DRC7: variants seen among roughly 807,000 people sequenced by gnomAD.
DRC7 encodes coiled-coil domain containing 135.
DRC7 carries 80 observed loss-of-function variants against 104.4 expected under a neutral mutation model. The observed-to-expected ratio is 0.77, with a 90% CI of 0.64 to 0.92. The LOEUF is 0.92. Ranked by LOEUF, DRC7 falls within the 40% of genes least tolerant of loss-of-function variation. The pLI is 0.00. For missense variants in DRC7, 1,034 were observed against 1,141.1 expected, an observed-to-expected ratio of 0.91 and a Z score of 1.35; for synonymous variants, 405 against 447.3, an observed-to-expected ratio of 0.91 and a Z score of 1.19.
At position 57,718,483 on chromosome 16, in the gene DRC7, T is replaced by A; in HGVS notation, c.1206+8T>A. 6 of 1,613,646 alleles carry A rather than the reference T, an allele frequency of 3.7e-6. No individual in the cohort carries two copies. The highest frequency in any genetic ancestry group is 4.2e-6 in the Non-Finnish European group (5 of 1,179,684). On this transcript the variant is annotated splice_region_variant and intron_variant, in intron 9 of 18. Coordinates refer to ENST00000360716, the MANE Select transcript of DRC7 (RefSeq NM_001289162.2). The stretch of plus-strand genomic sequence containing the variant: ...GATGATGTGGAAAATCTGGTGAGTC[T>A]CAGCAGCTCGAGAGCCCAGGGAATG...
intron 8 of DRC7, among the ~76,000 whole-genome samples, chr16:57,710,877 G>T (rs190233083): frequency 3.9e-5 from 6 of 152,204 alleles, no homozygotes; most frequent in African/African-American, 1.2e-4. Flanking sequence ...TATATTATTG[G>T]TGTTGAACTG....
chr16:57,707,130 A>G (rs974076813), intron 7 of DRC7, among the ~76,000 whole-genome samples: 5 of 152,218 alleles, frequency 3.3e-5, no homozygotes, highest in Non-Finnish European at 7.3e-5. Flanking sequence ...GCAGATAAGA[A>G]AGGTACTTGG....
chr16:57,695,105 A>G (rs1433574004), intron 1 of DRC7, among the ~76,000 whole-genome samples: 1 of 152,100 alleles, frequency 6.6e-6, no homozygotes, highest in Non-Finnish European at 1.5e-5. Context: ...ACACTGGGCT[A>G]TAGCTGAAGA....
chr16:57,727,451 C>G (rs1223191604), intron 16 of DRC7, 42 bp downstream of exon 16: 1 of 1,445,220 alleles, frequency 6.9e-7, no homozygotes, highest in Non-Finnish European at 9.7e-7. Context: ...TTTTCCTAGA[C>G]CCCCCTGGTC....
chr16:57,727,695 A>G (rs1163910488), intron 16 of DRC7, among the ~76,000 whole-genome samples: 1 of 152,214 alleles, frequency 6.6e-6, no homozygotes, highest in African/African-American at 2.4e-5. Flanking sequence ...CAGGGCTCCC[A>G]CTGAGGTTGC....
chr16:57,717,284 GAGTAC>G (rs570778145), intron 8 of DRC7, among the ~76,000 whole-genome samples: 75 of 145,982 alleles, frequency 5.1e-4, no homozygotes, highest in African/African-American at 1.6e-3. Flanking sequence ...TCCCAGGCTG[GAGTAC>G]AGTGGTGTGT....
At chr16:57,721,111 G>T (rs1269912251) in intron 9 of DRC7, among the ~76,000 whole-genome samples, 1 of 152,118 alleles carries the variant, frequency 6.6e-6, no homozygotes, top group African/African-American at 2.4e-5. Flanking sequence ...AGCTACTCAG[G>T]AGGCTGAGGC....
At chr16:57,723,808 C>A (rs1168838342) in intron 12 of DRC7, among the ~76,000 whole-genome samples, 1 of 136,034 alleles carries the variant, frequency 7.4e-6, no homozygotes, top group Non-Finnish European at 1.5e-5. Flanking sequence ...AAATGATCAA[C>A]CTCATTTGGA....
At position 57,700,261 on chromosome 16, in the gene DRC7, T is replaced by C. The variant is rs116083646; in HGVS notation, c.495T>C (p.Pro165=). ...DFLTMVPLPD[P]LKPPSHLYSS... Reference sequence around the variant, plus strand: ...TCACCATGGTGCCCCTGCCTGACCCTCTCAAGCCGGTAAGCACCACTCACA... The same window carrying C: ...TCACCATGGTGCCCCTGCCTGACCCCCTCAAGCCGGTAAGCACCACTCACA... The change falls in exon 5 of 19, where the codon CCT becomes CCC. Residue 165 remains proline (P), a synonymous_variant. Coordinates refer to ENST00000360716, the MANE Select transcript of DRC7 (RefSeq NM_001289162.2). 3,716 of 1,612,856 alleles carry C rather than the reference T, an allele frequency of 2.3e-3. 97 individuals carry two copies. The South Asian group carries it at 0.029, about 13-fold the overall frequency.
chr16:57,703,743 G>A (rs186096977), intron 6 of DRC7, among the ~76,000 whole-genome samples: 1 of 152,246 alleles, frequency 6.6e-6, no homozygotes, highest in East Asian at 1.9e-4. Context: ...GAGGCAAGTG[G>A]ACCACTTGAG....
At chr16:57,721,326 G>A (rs1484751685) in intron 9 of DRC7, among the ~76,000 whole-genome samples, 1 of 152,220 alleles carries the variant, frequency 6.6e-6, no homozygotes, top group African/African-American at 2.4e-5. Context: ...CTAAGGCTTA[G>A]AGCAGTTAAA....
chr16:57,721,331 G>A (rs1348514973), intron 9 of DRC7, among the ~76,000 whole-genome samples: 1 of 152,230 alleles, frequency 6.6e-6, no homozygotes, highest in Non-Finnish European at 1.5e-5. Context: ...GCTTAGAGCA[G>A]TTAAAGGACT....
chr16:57,714,026 C>T (rs1567879802), intron 8 of DRC7: 1 of 211,814 alleles, frequency 4.7e-6, no homozygotes, highest in South Asian at 7.5e-5. Context: ...TTGCAGTAGT[C>T]AGGACCTGGA....
chr16:57,731,497 C>T lies in DRC7; in HGVS notation c.*239C>T, dbSNP rs763758117. On this transcript the variant is annotated 3_prime_UTR_variant, in exon 19 of 19. Transcript: ENST00000360716. ...CACAAGCTCCAGCAGCAGCCTTTCTCTTCTTCTGTTATCTATAGCCTGGGA... is the reference window on the plus strand; with the variant it reads ...CACAAGCTCCAGCAGCAGCCTTTCTTTTCTTCTGTTATCTATAGCCTGGGA... The T allele has an allele frequency of 7.1e-6, 4 of 562,326 alleles. No homozygotes were observed. The African/African-American group carries it at 7.5e-5, about 11-fold the overall frequency. 34.8% of individuals were successfully genotyped at this position (562,326 alleles called of 1,614,324 possible). A position where few individuals can be genotyped will look rare whatever the true frequency, so the allele number is the denominator to read the frequency against.
At chr16:57,727,855 C>T (rs1567889359) in intron 16 of DRC7, among the ~76,000 whole-genome samples, 1 of 152,208 alleles carries the variant, frequency 6.6e-6, no homozygotes, top group African/African-American at 2.4e-5. Flanking sequence ...TTTCACCAAC[C>T]AAGTTGAGAT....
chr16:57,707,531 G>A lies in DRC7; in HGVS notation c.930G>A (p.Gly310=). Residue 310 remains glycine, a synonymous_variant, in exon 8 of 19, where the codon GGG becomes GGA. Coordinates refer to ENST00000360716, the MANE Select transcript of DRC7 (RefSeq NM_001289162.2). ...ACTCCTGGGTCCTTGTGCTATCGGG[G>A]AAGCGCGAGGTGCCTGAGAACTTCT... is the stretch of plus-strand genomic sequence containing the variant. ...RVHSWVLVLS[G]KREVPENFFI... 2 of 1,613,492 alleles carry A rather than the reference G, an allele frequency of 1.2e-6. No individual in the cohort carries two copies. Among genetic ancestry groups the A allele is most frequent in the African/African-American group, 1.3e-5 (1 of 75,038 alleles).
In DRC7 at chr16:57,705,043, T is replaced by C; in HGVS notation, c.858+9T>C. On this transcript the variant is annotated intron_variant, in intron 7 of 18. Coordinates refer to ENST00000360716, the MANE Select transcript of DRC7 (RefSeq NM_001289162.2). ...AGGAGGAGCGCCTCATGGTGGGTCC[T>C]CAGCCCTGAATCCCCTGGGCTCAGC... 3 of 1,610,630 alleles carry C rather than the reference T, an allele frequency of 1.9e-6. No homozygotes were observed. The highest frequency in any genetic ancestry group is 2.5e-6 in the Non-Finnish European group (3 of 1,179,336).
At chr16:57,710,032 G>T (rs1225747365) in intron 8 of DRC7, among the ~76,000 whole-genome samples, 2 of 152,184 alleles carry the variant, frequency 1.3e-5, no homozygotes, top group Non-Finnish European at 2.9e-5. Context: ...AAAGTGCTGG[G>T]ATTACAGGCT....
rs4531723 is a variant in DRC7 at position 57,712,674 on chromosome 16, G to T, written c.1077+4996G>T. Among the ~76,000 whole-genome samples the T allele has an allele frequency of 7.5e-3, 1,103 of 147,288 alleles. 11 individuals are homozygous for T. Among genetic ancestry groups the T allele is most frequent in the African/African-American group, 0.025 (1,016 of 40,464 alleles). On this transcript the variant is annotated intron_variant, in intron 8 of 18. Coordinates refer to ENST00000360716, the MANE Select transcript of DRC7 (RefSeq NM_001289162.2). Reference sequence around the variant, plus strand: ...TTCATCTAAGACTGTTTTTTGTTTTGTTTTTTTTTTGAGACAGAGTTTCGC... The same window carrying T: ...TTCATCTAAGACTGTTTTTTGTTTTTTTTTTTTTTTGAGACAGAGTTTCGC...
Sources: gnomAD v4.1 joint callset for allele counts (sites outside exome capture counted in the v4.1 genomes callset) on GRCh38, gnomAD v4.1.1 for gene constraint, MANE v1.5 for transcripts, NCBI Gene and HGNC (gene_info 2026-07-23, HGNC 2026-07-21) for gene names.